HEBP2: variants seen among roughly 807,000 people sequenced by gnomAD.
HEBP2 encodes the protein heme-binding protein 2.
HEBP2 carries 27 observed loss-of-function variants against 23.1 expected under a neutral mutation model. The observed-to-expected ratio is 1.17, with a 90% CI of 0.86 to 1.61. The LOEUF (loss-of-function observed/expected upper bound fraction) is 1.61, where lower values mean the gene tolerates loss of function less well. HEBP2 is among the 40% of genes most tolerant of loss of function. The pLI is 0.00. For synonymous variants in HEBP2, 99 were observed against 95.1 expected (o/e 1.04, Z -0.24); for missense variants, 245 against 253.8 (o/e 0.97, Z 0.24).
chr6:138,406,761 A>G (rs142341323), intron 3 of HEBP2, among the ~76,000 whole-genome samples: 4 of 152,288 alleles, frequency 2.6e-5, no homozygotes, highest in Non-Finnish European at 4.4e-5. Context: ...TTTTCAAAAT[A>G]TGAATTTTGA....
At chr6:138,412,605 C>T (rs185138454) in intron 3 of HEBP2, among the ~76,000 whole-genome samples, 17 of 152,320 alleles carry the variant, frequency 1.1e-4, no homozygotes, top group African/African-American at 3.8e-4. Context: ...AGGCATCCGC[C>T]ACCACATCTG....
In HEBP2 at chr6:138,409,180, C is replaced by G. The variant is rs978904979; in HGVS notation, c.419+3029C>G. Reference sequence around the variant, plus strand: ...TAGCATGTGCCACCACCATGCCCAGCTAATTTATTATTTTTTGTAGGGACA... The same window carrying G: ...TAGCATGTGCCACCACCATGCCCAGGTAATTTATTATTTTTTGTAGGGACA... On this transcript the variant is annotated intron_variant, in intron 3 of 3. Transcript: ENST00000607197. Among the ~76,000 whole-genome samples the G allele has an allele frequency of 3.9e-5, 6 of 152,192 alleles. No homozygotes were observed. The South Asian group carries it at 1.2e-3, about 32-fold the overall frequency.
At chr6:138,409,034 T>G (rs1045578028) in intron 3 of HEBP2, among the ~76,000 whole-genome samples, 1 of 152,048 alleles carries the variant, frequency 6.6e-6, no homozygotes, top group Non-Finnish European at 1.5e-5. Context: ...TTTTTTTTTT[T>G]CTTTTTTTCT....
At position 138,417,519 on chromosome 6, in the gene HEBP2, T is replaced by C. The variant is rs1002552197; in HGVS notation, c.*4441T>C. 1 of 152,236 alleles carries C rather than the reference T, an allele frequency of 6.6e-6. No individual in the cohort carries two copies. The highest frequency in any genetic ancestry group is 2.4e-5 in the African/African-American group (1 of 41,462). 9.4% of individuals were successfully genotyped at this position (152,236 alleles called of 1,614,324 possible). ...GTTCATAGTACAGGACTGTGATCTC[T>C]GCGAGAAGGGGGAATAATGAGGTGA... On this transcript the variant is annotated 3_prime_UTR_variant, in exon 4 of 4. Coordinates refer to ENST00000607197, the MANE Select transcript of HEBP2 (RefSeq NM_014320.3).
At position 138,419,362 on chromosome 6, in the gene HEBP2, T is replaced by A. The variant is rs946751719; in HGVS notation, c.*6284T>A. ...TTTCCTAGAAGCACCAGCAGTTTAT[T>A]CACACAAGGACAGACTTCCTATTCT... On this transcript the variant is annotated 3_prime_UTR_variant, in exon 4 of 4. Transcript: ENST00000607197. The A allele has an allele frequency of 2.6e-5, 4 of 152,238 alleles. No homozygotes were observed. The highest frequency in any genetic ancestry group is 5.9e-5 in the Non-Finnish European group (4 of 68,048). The allele number at this position is 152,238 out of a possible 1,614,324, so 9.4% of individuals were successfully genotyped here. A position where few individuals can be genotyped will look rare whatever the true frequency, so the allele number is the denominator to read the frequency against.
At chr6:138,403,682 GGCTCGGGAAA>G (rs1344345654), upstream of HEBP2, 16 of 417,632 alleles carry the variant, frequency 3.8e-5, no homozygotes, top group Non-Finnish European at 6.8e-5. Context: ...CACCCCACTC[GGCTCGGGAAA>G]GCCCTGGTAA....
rs1266757053 is a variant in HEBP2 at position 138,419,146 on chromosome 6, G to GTA, written c.*6068_*6069insTA. Reference sequence around the variant, plus strand: ...TGCTGGTAAAATGCACACATAAAGTGGCAGTGGTGGCAAAGATGGAGGCTA... The same window carrying GTA: ...TGCTGGTAAAATGCACACATAAAGTGTAGCAGTGGTGGCAAAGATGGAGGCTA... On this transcript the variant is annotated 3_prime_UTR_variant, in exon 4 of 4. Coordinates refer to ENST00000607197, the MANE Select transcript of HEBP2 (RefSeq NM_014320.3). 6.6e-6 allele frequency: 1 copy of GTA among 152,152 alleles called. No individual in the cohort carries two copies. The highest frequency in any genetic ancestry group is 1.5e-5 in the Non-Finnish European group (1 of 68,044). The allele number at this position is 152,152 out of a possible 1,614,324, so 9.4% of individuals were successfully genotyped here.
chr6:138,404,520 C>T lies in HEBP2; in HGVS notation c.25C>T (p.Pro9Ser), dbSNP rs534012762. Reference protein sequence around the residue: MAEPLQPDPGAAEDAAAQA... With the variant: MAEPLQPDSGAAEDAAAQA... ...CATGGCCGAGCCGCTCCAGCCAGACCCCGGGGCGGCCGAGGACGCGGCGGC... is the reference window on the plus strand; with the variant it reads ...CATGGCCGAGCCGCTCCAGCCAGACTCCGGGGCGGCCGAGGACGCGGCGGC... Residue 9 changes from proline to serine, a missense_variant, in exon 1 of 4, where the codon CCC (proline) becomes TCC (serine). By Grantham distance (74) the Pro-to-Ser change is moderately conservative. Transcript: ENST00000607197. 7,228 of 1,314,064 alleles carry T rather than the reference C, an allele frequency of 5.5e-3. 33 individuals carry two copies. Among genetic ancestry groups the T allele is most frequent in the Non-Finnish European group, 6.2e-3 (6,421 of 1,031,266 alleles). The allele number at this position is 1,314,064 out of a possible 1,614,324, so 81.4% of individuals were successfully genotyped here.
chr6:138,411,050 C>T (rs1361463610), intron 3 of HEBP2, among the ~76,000 whole-genome samples: 2 of 152,132 alleles, frequency 1.3e-5, no homozygotes, highest in Non-Finnish European at 2.9e-5. Flanking sequence ...TGATTTTTTG[C>T]ACTGGCACAT....
rs1012154189 is a variant in HEBP2 at position 138,413,438 on chromosome 6, T to C, written c.*360T>C. ...CCCTCCAGATAGTATCAATAAAATG[T>C]TAAAATTATTTATCTTGTGTGGAAC... is the stretch of plus-strand genomic sequence containing the variant. On this transcript the variant is annotated 3_prime_UTR_variant, in exon 4 of 4. Transcript: ENST00000607197. 3 of 176,298 alleles carry C rather than the reference T, an allele frequency of 1.7e-5. No homozygotes were observed. Among genetic ancestry groups the C allele is most frequent in the African/African-American group, 7.2e-5 (3 of 41,878 alleles). The allele number at this position is 176,298 out of a possible 1,614,324, so 10.9% of individuals were successfully genotyped here.
rs1313257218 is a variant in HEBP2, at chr6:138,419,629, C to G, written c.*6551C>G. The G allele has an allele frequency of 6.6e-6, 1 of 152,072 alleles. No homozygotes were observed. Among genetic ancestry groups the G allele is most frequent in the African/African-American group, 2.4e-5 (1 of 41,392 alleles). 9.4% of individuals were successfully genotyped at this position (152,072 alleles called of 1,614,324 possible). ...TTAGTGCCAGGTGGGAGACAATACC[C>G]TGCCAAGATGTGCCACCGTCTCCTG... On this transcript the variant is annotated 3_prime_UTR_variant, in exon 4 of 4. Coordinates refer to ENST00000607197, the MANE Select transcript of HEBP2 (RefSeq NM_014320.3).
rs1443451883 is a variant in HEBP2 at position 138,418,809 on chromosome 6, C to G, written c.*5731C>G. 2 of 152,106 alleles carry G rather than the reference C, an allele frequency of 1.3e-5. No individual in the cohort carries two copies. Among genetic ancestry groups the G allele is most frequent in the African/African-American group, 2.4e-5 (1 of 41,392 alleles). The allele number at this position is 152,106 out of a possible 1,614,324, so 9.4% of individuals were successfully genotyped here. A position where few individuals can be genotyped will look rare whatever the true frequency, so the allele number is the denominator to read the frequency against. ...AAACGGGAAAAAAATTGCAATCTTC[C>G]TGCAAAAACTGGGCAGAATTTTTTG... is the stretch of plus-strand genomic sequence containing the variant. On this transcript the variant is annotated 3_prime_UTR_variant, in exon 4 of 4. Coordinates refer to ENST00000607197, the MANE Select transcript of HEBP2 (RefSeq NM_014320.3).
chr6:138,407,192 A>G (rs887478713), intron 3 of HEBP2, among the ~76,000 whole-genome samples: 1 of 152,220 alleles, frequency 6.6e-6, no homozygotes, highest in Non-Finnish European at 1.5e-5. Context: ...GCCTAAATTC[A>G]TCTAAAGATC....
rs1774913093 is a variant in HEBP2 at position 138,420,835 on chromosome 6, T to G, written c.*7757T>G. ...ACTCCAATAATAAATCCTTTGGTAT[T>G]CTAACTGTCTACTTCTTGAAGAATC... On this transcript the variant is annotated 3_prime_UTR_variant, in exon 4 of 4. Coordinates refer to ENST00000607197, the MANE Select transcript of HEBP2 (RefSeq NM_014320.3). 1 of 152,228 alleles carries G rather than the reference T, an allele frequency of 6.6e-6. No homozygotes were observed. The highest frequency in any genetic ancestry group is 2.4e-5 in the African/African-American group (1 of 41,464). 9.4% of individuals were successfully genotyped at this position (152,228 alleles called of 1,614,324 possible). A position where few individuals can be genotyped will look rare whatever the true frequency, so the allele number is the denominator to read the frequency against.
In HEBP2 at chr6:138,419,205, C is replaced by T. The variant is rs1013447183; in HGVS notation, c.*6127C>T. On this transcript the variant is annotated 3_prime_UTR_variant, in exon 4 of 4. Transcript: ENST00000607197. ...ACCCACCAACATGGGCTCCCACTTACCAAGGCCAACTTAGACACTGCTCAC... is the reference window on the plus strand; with the variant it reads ...ACCCACCAACATGGGCTCCCACTTATCAAGGCCAACTTAGACACTGCTCAC... 3 of 152,200 alleles carry T rather than the reference C, an allele frequency of 2.0e-5. No homozygotes were observed. Among genetic ancestry groups the T allele is most frequent in the East Asian group, 1.9e-4 (1 of 5,196 alleles). The allele number at this position is 152,200 out of a possible 1,614,324, so 9.4% of individuals were successfully genotyped here.
In HEBP2 at chr6:138,419,069, T is replaced by G. The variant is rs1774879864; in HGVS notation, c.*5991T>G. 1 of 151,464 alleles carries G rather than the reference T, an allele frequency of 6.6e-6. No individual in the cohort carries two copies. Among genetic ancestry groups the G allele is most frequent in the South Asian group, 2.1e-4 (1 of 4,746 alleles). 9.4% of individuals were successfully genotyped at this position (151,464 alleles called of 1,614,324 possible). ...AGAGAAGAGGCACTAAACAACCAAG[T>G]AGATGAAATGACTTAGCCTGTTCTA... On this transcript the variant is annotated 3_prime_UTR_variant, in exon 4 of 4. Transcript: ENST00000607197.
chr6:138,410,483 T>C (rs926198613), intron 3 of HEBP2, among the ~76,000 whole-genome samples: 12 of 151,480 alleles, frequency 7.9e-5, no homozygotes, highest in African/African-American at 2.4e-4. Flanking sequence ...TTCTTTCTTT[T>C]TTTTTTTTTT....
intron 3 of HEBP2, among the ~76,000 whole-genome samples, chr6:138,410,537 A>G (rs1774727899): frequency 6.6e-6 from 1 of 151,150 alleles, no homozygotes; most frequent in Non-Finnish European, 1.5e-5. Flanking sequence ...GCTGGAATAC[A>G]ATGGCGCAAT....
Position 138,416,644 on chromosome 6 carries a change from A to T in HEBP2, c.*3566A>T, listed in dbSNP as rs1774846554. On this transcript the variant is annotated 3_prime_UTR_variant, in exon 4 of 4. Coordinates refer to ENST00000607197, the MANE Select transcript of HEBP2 (RefSeq NM_014320.3). Reference sequence around the variant, plus strand: ...TGCCAGCCACAGAAGCCAGGGTGCCATCAGTATCCTGTTAACCACTAAGCT... The same window carrying T: ...TGCCAGCCACAGAAGCCAGGGTGCCTTCAGTATCCTGTTAACCACTAAGCT... The T allele has an allele frequency of 6.6e-6, 1 of 152,312 alleles. No individual in the cohort carries two copies. The highest frequency in any genetic ancestry group is 6.5e-5 in the Admixed American group (1 of 15,288). 9.4% of individuals were successfully genotyped at this position (152,312 alleles called of 1,614,324 possible). A position where few individuals can be genotyped will look rare whatever the true frequency, so the allele number is the denominator to read the frequency against.
Sources: gnomAD v4.1 joint callset for allele counts (sites outside exome capture counted in the v4.1 genomes callset) on GRCh38, gnomAD v4.1.1 for gene constraint, MANE v1.5 for transcripts, NCBI Gene and HGNC (gene_info 2026-07-23, HGNC 2026-07-21) for gene names.